The following BMAL1 variants were observed in gnomAD, a reference collection of about 807,000 sequenced individuals.
BMAL1 encodes basic helix-loop-helix ARNT-like protein 1.
chr11:13,281,954 G>A, the BMAL1 span, among the ~76,000 whole-genome samples: 27 of 152,258 alleles, frequency 1.8e-4, no homozygotes, highest in African/African-American at 3.4e-4. Context: ...CACACTGTCC[G>A]TGGCCTGGGG....
At chr11:13,362,370 TTC>T in the BMAL1 span, among the ~76,000 whole-genome samples, 2 of 152,216 alleles carry the variant, frequency 1.3e-5, no homozygotes, top group Admixed American at 1.3e-4. Context: ...AAGATAGGAC[TTC>T]TCTTTCATTT....
chr11:13,319,543 A>T, the BMAL1 span, among the ~76,000 whole-genome samples: 1 of 152,226 alleles, frequency 6.6e-6, no homozygotes, highest in Admixed American at 6.5e-5. Context: ...CTCACAAATA[A>T]TGCCATCAAA....
At chr11:13,353,184 A>C in the BMAL1 span, 1 of 152,264 alleles carries the variant, frequency 6.6e-6, no homozygotes, top group African/African-American at 2.4e-5. Context: ...CTGCTTTCTT[A>C]CAGTGTTTAC....
chr11:13,378,250 C>G, the BMAL1 span: 16 of 1,441,236 alleles, frequency 1.1e-5, no homozygotes, highest in South Asian at 2.3e-4. Flanking sequence ...GCAAATGGAT[C>G]ATGGGATAAA....
At chr11:13,381,164 AAG>A in the BMAL1 span, 1 of 1,614,148 alleles carries the variant, frequency 6.2e-7, no homozygotes, top group Non-Finnish European at 8.5e-7. Context: ...CTGACAGGAT[AAG>A]AGGGTCATCG....
chr11:13,298,876 G>T, the BMAL1 span, among the ~76,000 whole-genome samples: 1 of 152,146 alleles, frequency 6.6e-6, no homozygotes, highest in East Asian at 1.9e-4. Context: ...CTGTCTGCTC[G>T]GCATTTATCA....
chr11:13,300,953 T>G, the BMAL1 span, among the ~76,000 whole-genome samples: 2 of 152,224 alleles, frequency 1.3e-5, no homozygotes, highest in Non-Finnish European at 2.9e-5. Flanking sequence ...GTTGTTATTG[T>G]TTTGAGATGG....
the BMAL1 span, among the ~76,000 whole-genome samples, chr11:13,323,917 AATTT>A: frequency 1.3e-5 from 2 of 152,128 alleles, no homozygotes; most frequent in African/African-American, 4.8e-5. Context: ...GCACCTGGCC[AATTT>A]ATTTATTTTT....
At chr11:13,325,670 T>C in the BMAL1 span, among the ~76,000 whole-genome samples, 1 of 150,794 alleles carries the variant, frequency 6.6e-6, no homozygotes, top group African/African-American at 2.4e-5. Context: ...TGTGTGTGTG[T>C]GTGTGTGTGT....
At chr11:13,328,158 G>A in the BMAL1 span, among the ~76,000 whole-genome samples, 2 of 152,140 alleles carry the variant, frequency 1.3e-5, no homozygotes, top group African/African-American at 4.8e-5. Flanking sequence ...TGCATCTAGA[G>A]GATCGACTGG....
chr11:13,339,271 C>T, the BMAL1 span, among the ~76,000 whole-genome samples: 1 of 152,166 alleles, frequency 6.6e-6, no homozygotes, highest in East Asian at 1.9e-4. Flanking sequence ...ACTGACTCCT[C>T]TTACACCTCA....
chr11:13,385,624 A>G, the BMAL1 span: 1 of 1,256,446 alleles, frequency 8.0e-7, no homozygotes, highest in East Asian at 2.4e-5. Context: ...CCCATGCTTC[A>G]TTTTCCTTTT....
chr11:13,386,896 A>G, the BMAL1 span: 5 of 971,364 alleles, frequency 5.1e-6, no homozygotes, highest in Non-Finnish European at 7.2e-6. Context: ...AGCCATTGAT[A>G]CAAGTCAATC....
At chr11:13,385,771 C>A in the BMAL1 span, 10 of 1,612,232 alleles carry the variant, frequency 6.2e-6, no homozygotes, top group South Asian at 1.1e-4. Flanking sequence ...TATCCATATT[C>A]TGATAGTTCT....
chr11:13,384,471 T>C, the BMAL1 span, among the ~76,000 whole-genome samples: 1 of 152,228 alleles, frequency 6.6e-6, no homozygotes, highest in African/African-American at 2.4e-5. Context: ...TTCATTGATA[T>C]GGTTTCAGAT....
chr11:13,317,683 G>T, the BMAL1 span, among the ~76,000 whole-genome samples: 317 of 152,288 alleles, frequency 2.1e-3, no homozygotes, highest in Non-Finnish European at 3.3e-3. Context: ...CTTAGAATTT[G>T]ATACAAACAG....
the BMAL1 span, among the ~76,000 whole-genome samples, chr11:13,309,662 C>T: frequency 7.9e-5 from 12 of 151,948 alleles, no homozygotes; most frequent in South Asian, 2.1e-4. Flanking sequence ...GGGTATGGGA[C>T]GGGGTGAATT....
chr11:13,325,824 G>A, the BMAL1 span, among the ~76,000 whole-genome samples: 1 of 152,032 alleles, frequency 6.6e-6, no homozygotes, highest in African/African-American at 2.4e-5. Flanking sequence ...CTGAGAGTAT[G>A]TCATCCCAGC....
At chr11:13,300,112 C>T in the BMAL1 span, among the ~76,000 whole-genome samples, 1 of 152,194 alleles carries the variant, frequency 6.6e-6, no homozygotes, top group Non-Finnish European at 1.5e-5. Flanking sequence ...GGCCTCTCTA[C>T]TCTTAACATT....
Sources: gnomAD v4.1 joint callset for allele counts (sites outside exome capture counted in the v4.1 genomes callset) on GRCh38, gnomAD v4.1.1 for gene constraint, MANE v1.5 for transcripts, NCBI Gene and HGNC (gene_info 2026-07-23, HGNC 2026-07-21) for gene names.